LPA: variants seen among roughly 807,000 people sequenced by gnomAD.
LPA encodes apolipoprotein(a).
Under a neutral mutation model 197.9 loss-of-function variants are expected in LPA, and 199 were observed. The observed-to-expected ratio is 1.01, with a 90% CI of 0.90 to 1.13. The LOEUF (loss-of-function observed/expected upper bound fraction) is 1.13. Among genes scored for constraint, LPA ranks in the 50% most tolerant of loss-of-function variants. LPA has a pLI of 0.00. For missense variants in LPA, 1,853 were observed against 1,785.8 expected (o/e 1.04, Z -0.68); for synonymous variants, 715 against 639.5 (o/e 1.12, Z -1.78).
chr6:160,643,083 A>AGATTGT (rs1554242208), intron 4 of LPA, among the ~76,000 whole-genome samples: 1 of 131,062 alleles, frequency 7.6e-6, no homozygotes. Flanking sequence ...GTGTGTTTTC[A>AGATTGT]GTGTGTGTGT....
intron 29 of LPA, 63 bp from the exon 30 acceptor site, chr6:160,556,247 T>C (rs748369091): frequency 6.7e-7 from 1 of 1,499,628 alleles, no homozygotes; most frequent in Admixed American, 1.7e-5. Flanking sequence ...AAGCAATTTA[T>C]GACACAAACA....
In LPA at chr6:160,578,511, C is replaced by T; in HGVS notation, c.4471+12G>A. The T allele has an allele frequency of 6.2e-7, 1 of 1,613,774 alleles. No individual in the cohort carries two copies. Among genetic ancestry groups the T allele is most frequent in the Non-Finnish European group, 8.5e-7 (1 of 1,179,716 alleles). On this transcript the variant is annotated intron_variant, in intron 27 of 38. Transcript: ENST00000316300. ...ATCCCAGTATATAGATGTCTAACCACAAATTTCTTACCTTGTTCAGAAGGA... is the reference window on the plus strand; with the variant it reads ...ATCCCAGTATATAGATGTCTAACCATAAATTTCTTACCTTGTTCAGAAGGA...
intron 1 of LPA, among the ~76,000 whole-genome samples, chr6:160,662,446 A>T (rs1278496340): frequency 6.6e-6 from 1 of 152,218 alleles, no homozygotes; most frequent in African/African-American, 2.4e-5. Flanking sequence ...ATTCCAGCAC[A>T]CATTGGAAAG....
chr6:160,594,878 C>T (rs571847363), intron 21 of LPA, among the ~76,000 whole-genome samples: 1 of 152,102 alleles, frequency 6.6e-6, no homozygotes, highest in East Asian at 1.9e-4. Context: ...GCTACCTGGA[C>T]CCAGAAGTAT....
rs1777956744 is a variant in LPA at position 160,540,077 on chromosome 6, TG to T, written c.5700del (p.Thr1901HisfsTer8). ...TTTAGCAAGGCAATATCTGCTTGTG[TG>T]GGCTCCAAGAACAGCCTAGACACTT... is the stretch of plus-strand genomic sequence containing the variant. The part of the protein sequence containing the change: ...EIEVSRLFLE[P>X]TQADIALLKL... On this transcript the variant is annotated frameshift_variant, in exon 36 of 39. Transcript: ENST00000316300. LOFTEE classifies it high-confidence loss of function. The T allele has an allele frequency of 6.2e-7, 1 of 1,614,072 alleles. No individual in the cohort carries two copies. The highest frequency in any genetic ancestry group is 1.3e-5 in the African/African-American group (1 of 74,924).
At chr6:160,654,043 AATATATAATATATT>A (rs1562354915) in intron 1 of LPA, among the ~76,000 whole-genome samples, 3 of 7,166 alleles carry the variant, frequency 4.2e-4, no homozygotes, top group Non-Finnish European at 6.8e-4. Context: ...TATTATATAT[AATATATAATATATT>A]ATATATATTA....
chr6:160,596,625 A>G (rs1384602824), intron 20 of LPA, among the ~76,000 whole-genome samples: 1 of 148,680 alleles, frequency 6.7e-6, no homozygotes, highest in Non-Finnish European at 1.5e-5. Flanking sequence ...CTGCTGGAAA[A>G]CTCCCCTCTT....
Position 160,556,158 on chromosome 6 carries a change from G to A in LPA, c.4840C>T (p.Arg1614Trp), listed in dbSNP as rs747078567. 31 of 1,613,686 alleles carry A rather than the reference G, an allele frequency of 1.9e-5. No individual in the cohort carries two copies. The highest frequency in any genetic ancestry group is 4.4e-5 in the South Asian group (4 of 91,066). Reference sequence around the variant, plus strand: ...TGGCCATTACCATGGTAGCACTGCCGGACCACAGGGGTTTGCTCAGTTGGT... The same window carrying A: ...TGGCCATTACCATGGTAGCACTGCCAGACCACAGGGGTTTGCTCAGTTGGT... The part of the protein sequence containing the change: ...AAPTEQTPVV[R>W]QCYHGNGQSY... Residue 1614 changes from arginine to tryptophan, a missense_variant, in exon 30 of 39, where the codon CGG becomes TGG. Arg to Trp is a moderately radical substitution (Grantham distance 101). Transcript: ENST00000316300.
At chr6:160,551,913 C>CTTTTTTTTTTTTTTTTTTTTT (rs569721968) in intron 30 of LPA, among the ~76,000 whole-genome samples, 1 of 129,334 alleles carries the variant, frequency 7.7e-6, no homozygotes, top group African/African-American at 2.8e-5. Context: ...AACACATATC[C>CTTTTTTTTTTTTTTTTTTTTT]TTTTTTTTTT....
intron 27 of LPA, among the ~76,000 whole-genome samples, chr6:160,578,149 A>G (rs1338368443): frequency 6.6e-6 from 1 of 152,188 alleles, no homozygotes; most frequent in Non-Finnish European, 1.5e-5. Context: ...GTAGATTGCA[A>G]TGAAAAAAGT....
rs538770260 is a variant in LPA, at chr6:160,605,854, G to A, written c.2785+623C>T. Among the ~76,000 whole-genome samples, 4 of 152,202 alleles carry A rather than the reference G, an allele frequency of 2.6e-5. No individual in the cohort carries two copies. In the East Asian group the frequency reaches 5.8e-4, roughly 22 times the overall value. On this transcript the variant is annotated intron_variant, in intron 17 of 38. Coordinates refer to ENST00000316300, the MANE Select transcript of LPA (RefSeq NM_005577.4). ...GAGTTGCAATAATACAGAAGTCTCC[G>A]ACTCTTTCTATCCAGACCGCTCACA...
intron 2 of LPA, among the ~76,000 whole-genome samples, chr6:160,649,227 C>T (rs1344188410): frequency 6.6e-6 from 1 of 152,134 alleles, no homozygotes; most frequent in Non-Finnish European, 1.5e-5. Context: ...AGTCTCTCTC[C>T]TCTGTGTGGT....
At chr6:160,570,709 T>C (rs1778547438) in intron 28 of LPA, among the ~76,000 whole-genome samples, 1 of 152,216 alleles carries the variant, frequency 6.6e-6, no homozygotes. Flanking sequence ...GAAGATCCAC[T>C]GTTAGTCTGA....
At position 160,557,379 on chromosome 6, in the gene LPA, A is replaced by G. The variant is rs757344451; in HGVS notation, c.4813+11T>C. On this transcript the variant is annotated intron_variant, in intron 29 of 38. Coordinates refer to ENST00000316300, the MANE Select transcript of LPA (RefSeq NM_005577.4). ...TTCAAATGTGTAGATATCTGGCCAC[A>G]GACTTCTTACCTGCTTCAGAATGAG... 3 of 1,612,002 alleles carry G rather than the reference A, an allele frequency of 1.9e-6. No individual in the cohort carries two copies. In the Admixed American group the frequency reaches 5.0e-5, roughly 27 times the overall value.
intron 28 of LPA, among the ~76,000 whole-genome samples, chr6:160,570,576 T>G (rs966836119): frequency 2.0e-5 from 3 of 152,172 alleles, no homozygotes; most frequent in Admixed American, 6.5e-5. Context: ...ATGGCACATG[T>G]ATACATATGT....
intron 1 of LPA, among the ~76,000 whole-genome samples, chr6:160,660,342 T>G (rs1780204030): frequency 6.6e-6 from 1 of 152,176 alleles, no homozygotes; most frequent in Admixed American, 6.5e-5. Flanking sequence ...CCTCCACTCA[T>G]GTCTAGCATG....
chr6:160,593,742 A>T (rs762010890), intron 22 of LPA, among the ~76,000 whole-genome samples: 3 of 152,144 alleles, frequency 2.0e-5, no homozygotes, highest in Non-Finnish European at 4.4e-5. Context: ...ACCACCTTCA[A>T]ATATCCTCCT....
chr6:160,586,606 C>G lies in LPA; in HGVS notation c.3972G>C (p.Arg1324Ser). ...PNGGLTRNYC[R>S]NPDAEIRPWC... ...AAGGGCGAATCTCAGCATCTGGATT[C>G]CTGCAGTAGTTCCTGGTCAGGCCAC... Residue 1324 changes from arginine to serine, a missense_variant, in exon 25 of 39, where the codon AGG becomes AGC. Coordinates refer to ENST00000316300, the MANE Select transcript of LPA (RefSeq NM_005577.4). 6.2e-7 allele frequency: 1 copy of G among 1,613,714 alleles called. No homozygotes were observed.
intron 18 of LPA, among the ~76,000 whole-genome samples, chr6:160,602,514 A>C (rs1779263964): frequency 6.6e-6 from 1 of 152,214 alleles, no homozygotes; most frequent in Admixed American, 6.5e-5. Flanking sequence ...TCTCATTTAA[A>C]AAGATATAGA....
Sources: gnomAD v4.1 joint callset for allele counts (sites outside exome capture counted in the v4.1 genomes callset) on GRCh38, gnomAD v4.1.1 for gene constraint, MANE v1.5 for transcripts, NCBI Gene and HGNC (gene_info 2026-07-23, HGNC 2026-07-21) for gene names.